Variants in UBAC2 observed in about 807,000 individuals in gnomAD.
UBAC2 encodes ubiquitin-associated domain-containing protein 2.
A neutral mutation model predicts 44.0 loss-of-function variants in UBAC2; 26 were observed. The ratio of observed to expected loss-of-function variants is 0.59; its 90% CI spans 0.43 to 0.82. UBAC2 has a LOEUF of 0.82. Ranked by LOEUF, UBAC2 falls within the 40% of genes least tolerant of loss-of-function variation. The probability of loss-of-function intolerance (pLI) is 0.00; values close to 1 mark genes in which losing one functional copy is unlikely to be tolerated. For synonymous variants in UBAC2, 155 were observed against 154.3 expected, an observed-to-expected ratio of 1.00 and a Z score of -0.04; for missense variants, 329 against 419.4, an observed-to-expected ratio of 0.78 and a Z score of 1.88.
intron 4 of UBAC2, among the ~76,000 whole-genome samples, chr13:99,304,827 C>T (rs948704126): frequency 6.6e-6 from 1 of 152,158 alleles, no homozygotes; most frequent in Non-Finnish European, 1.5e-5. Flanking sequence ...ACATTCAGTA[C>T]AATACATTTT....
intron 1 of UBAC2, among the ~76,000 whole-genome samples, chr13:99,207,412 T>C (rs1341522261): frequency 6.6e-6 from 1 of 152,206 alleles, no homozygotes; most frequent in Non-Finnish European, 1.5e-5. Flanking sequence ...AACAACTCTA[T>C]CATGTACCTT....
At chr13:99,306,558 A>G (rs1192372654) in intron 4 of UBAC2, among the ~76,000 whole-genome samples, 1 of 152,004 alleles carries the variant, frequency 6.6e-6, no homozygotes, top group Non-Finnish European at 1.5e-5. Context: ...TAAAACCCTC[A>G]CTGCCCTTTA....
intron 7 of UBAC2, among the ~76,000 whole-genome samples, chr13:99,343,575 C>T (rs902011027): frequency 6.6e-6 from 1 of 152,250 alleles, no homozygotes; most frequent in Non-Finnish European, 1.5e-5. Context: ...GATCTGAAGT[C>T]CAGAGCAGGA....
At chr13:99,201,376 C>T (rs761365026) in intron 1 of UBAC2, 85 of 1,589,962 alleles carry the variant, frequency 5.3e-5, no homozygotes, top group Non-Finnish European at 6.7e-5. Context: ...AAAGTTCAGC[C>T]TCCGCTTTAG....
intron 6 of UBAC2, among the ~76,000 whole-genome samples, chr13:99,320,707 T>A (rs1425227026): frequency 1.3e-5 from 2 of 152,262 alleles, no homozygotes; most frequent in Non-Finnish European, 2.9e-5. Flanking sequence ...TAGAAAATTC[T>A]CATTTTTATT....
At chr13:99,287,437 T>C (rs115995095) in intron 4 of UBAC2, among the ~76,000 whole-genome samples, 3 of 151,850 alleles carry the variant, frequency 2.0e-5, no homozygotes, top group Non-Finnish European at 4.4e-5. Flanking sequence ...CTTTTTTTTT[T>C]AAATTTTGAG....
chr13:99,329,865 A>C (rs1479457307), intron 6 of UBAC2, among the ~76,000 whole-genome samples: 1 of 152,230 alleles, frequency 6.6e-6, no homozygotes, highest in Non-Finnish European at 1.5e-5. Context: ...GCCCCCACAG[A>C]AATTGGATAA....
At chr13:99,256,452 G>C (rs768674842) in intron 4 of UBAC2, 1 of 152,056 alleles carries the variant, frequency 6.6e-6, no homozygotes, top group Admixed American at 6.6e-5. Flanking sequence ...TTGGGAGTAC[G>C]TAAAGCCAAG....
chr13:99,365,256 G>A (rs2045315973), intron 7 of UBAC2, among the ~76,000 whole-genome samples: 1 of 152,084 alleles, frequency 6.6e-6, no homozygotes, highest in South Asian at 2.1e-4. Flanking sequence ...GTAACAGCCA[G>A]CAGTAGGTTT....
At chr13:99,263,740 T>C (rs2043701488) in intron 4 of UBAC2, among the ~76,000 whole-genome samples, 1 of 152,206 alleles carries the variant, frequency 6.6e-6, no homozygotes, top group Non-Finnish European at 1.5e-5. Context: ...ACAACCTGAA[T>C]GTTCAACTAT....
At chr13:99,367,399 C>T (rs1051196496) in intron 7 of UBAC2, among the ~76,000 whole-genome samples, 4 of 152,224 alleles carry the variant, frequency 2.6e-5, no homozygotes, top group Admixed American at 2.6e-4. Context: ...GCCTCGTCTC[C>T]ATGCCTTCCT....
At chr13:99,213,634 A>G (rs959225765) in intron 1 of UBAC2, among the ~76,000 whole-genome samples, 3 of 152,112 alleles carry the variant, frequency 2.0e-5, no homozygotes, top group Admixed American at 2.0e-4. Context: ...TGCTGGGATT[A>G]CAGGCATTAG....
rs767341178 is a variant in UBAC2, at chr13:99,238,487, CCCT to C, written c.99_101del (p.Leu34del). On this transcript the variant is annotated inframe_deletion, in exon 2 of 9. Transcript: ENST00000403766. ...CCCAGTGCCCTCTCCCTCCTGCTCG[CCCT>C]CCTCCTGCCTCACTGCCAGAAGCTC... 1 of 1,613,948 alleles carries C rather than the reference CCCT, an allele frequency of 6.2e-7. No individual in the cohort carries two copies. The highest frequency in any genetic ancestry group is 1.1e-5 in the South Asian group (1 of 91,076).
chr13:99,352,790 G>A lies in UBAC2; in HGVS notation c.807+12225G>A, dbSNP rs550214469. Reference sequence around the variant, plus strand: ...GCGTCAGTTACAGTGAAATGTGATGGTCACTCTTCTGGGAGAAATGTGTAG... The same window carrying A: ...GCGTCAGTTACAGTGAAATGTGATGATCACTCTTCTGGGAGAAATGTGTAG... On this transcript the variant is annotated intron_variant, in intron 7 of 8. Coordinates refer to ENST00000403766, the MANE Select transcript of UBAC2 (RefSeq NM_001144072.2). Among the ~76,000 whole-genome samples, 4 of 139,994 alleles carry A rather than the reference G, an allele frequency of 2.9e-5. No individual in the cohort carries two copies. The South Asian group carries it at 8.5e-4, about 30-fold the overall frequency. The allele number at this position is 139,994 out of a possible 152,430, so 91.8% of individuals were successfully genotyped here. A position where few individuals can be genotyped will look rare whatever the true frequency, so the allele number is the denominator to read the frequency against.
At chr13:99,296,100 G>T (rs375590153) in intron 4 of UBAC2, 42 of 1,611,750 alleles carry the variant, frequency 2.6e-5, no homozygotes, top group Non-Finnish European at 3.5e-5. Flanking sequence ...TTTCCCTGAG[G>T]AGTTGCAGAG....
intron 1 of UBAC2, among the ~76,000 whole-genome samples, chr13:99,225,100 ATTAG>A (rs1346158937): frequency 1.3e-5 from 2 of 152,188 alleles, no homozygotes; most frequent in African/African-American, 4.8e-5. Flanking sequence ...AGGGTCAGTT[ATTAG>A]TTCAGTAAAT....
At chr13:99,382,209 C>T (rs536292833) in intron 8 of UBAC2, among the ~76,000 whole-genome samples, 1 of 152,064 alleles carries the variant, frequency 6.6e-6, no homozygotes, top group Non-Finnish European at 1.5e-5. Context: ...AGATGATTAA[C>T]AGTAGATAAC....
chr13:99,293,860 C>G (rs962200160), intron 4 of UBAC2, among the ~76,000 whole-genome samples: 3 of 151,780 alleles, frequency 2.0e-5, no homozygotes, highest in Non-Finnish European at 4.4e-5. Flanking sequence ...AGTGAGACCC[C>G]CTTTCTGAAA....
chr13:99,201,400 A>T (rs757443201), intron 1 of UBAC2: 2 of 1,607,812 alleles, frequency 1.2e-6, no homozygotes, highest in East Asian at 4.5e-5. Flanking sequence ...CTGACCTCTC[A>T]GTTTCACTTG....
Sources: gnomAD v4.1 joint callset for allele counts (sites outside exome capture counted in the v4.1 genomes callset) on GRCh38, gnomAD v4.1.1 for gene constraint, MANE v1.5 for transcripts, NCBI Gene and HGNC (gene_info 2026-07-23, HGNC 2026-07-21) for gene names.